The following OOSP1 variants were observed in gnomAD, a reference collection of about 807,000 sequenced individuals.
The protein encoded by OOSP1 is putative oocyte-secreted protein 1 homolog.
In OOSP1, 11 loss-of-function variants were observed where a neutral mutation model predicts 5.7. The ratio of observed to expected loss-of-function variants is 1.94; its 90% CI spans 1.22 to 3.20. OOSP1 has a LOEUF of 3.20. OOSP1 is among the 30% of genes most tolerant of loss of function. The probability of loss-of-function intolerance (pLI) is 0.00; values close to 1 mark genes in which losing one functional copy is unlikely to be tolerated. For missense variants in OOSP1, 83 were observed against 54.1 expected, an observed-to-expected ratio of 1.53 and a Z score of -1.67; for synonymous variants, 44 against 20.0, an observed-to-expected ratio of 2.20 and a Z score of -3.20.
At chr11:59,948,343 A>G (rs1020494997) in intron 4 of OOSP1, among the ~76,000 whole-genome samples, 5 of 152,178 alleles carry the variant, frequency 3.3e-5, no homozygotes, top group African/African-American at 1.2e-4. Context: ...GCCCCATATG[A>G]AGGTATATTA....
At chr11:59,946,918 TCTA>T (rs1853889780) in intron 3 of OOSP1, among the ~76,000 whole-genome samples, 1 of 26,780 alleles carries the variant, frequency 3.7e-5, no homozygotes, top group African/African-American at 1.4e-4. Context: ...ATCTACCATA[TCTA>T]TCTATCTATC....
chr11:59,943,677 G>A (rs1025207325), intron 2 of OOSP1, among the ~76,000 whole-genome samples: 70 of 152,192 alleles, frequency 4.6e-4, no homozygotes, highest in African/African-American at 1.6e-3. Flanking sequence ...GGTCAATTGC[G>A]ACCAGAATGA....
chr11:59,952,388 C>A (rs1389307195), intron 4 of OOSP1, among the ~76,000 whole-genome samples: 1 of 149,172 alleles, frequency 6.7e-6, no homozygotes, highest in Non-Finnish European at 1.5e-5. Context: ...AACCTAAGTG[C>A]CCACTGACAA....
chr11:59,950,275 CCAAGAGG>C (rs1164130955), intron 4 of OOSP1, among the ~76,000 whole-genome samples: 1 of 152,060 alleles, frequency 6.6e-6, no homozygotes, highest in Non-Finnish European at 1.5e-5. Context: ...GCTTAGATCT[CCAAGAGG>C]AGAGAGCAAG....
intron 1 of OOSP1, among the ~76,000 whole-genome samples, chr11:59,939,559 C>A (rs1051846698): frequency 1.3e-5 from 2 of 151,338 alleles, no homozygotes; most frequent in East Asian, 2.0e-4. Flanking sequence ...ATGCTTTTTT[C>A]TGTTTTCTTT....
chr11:59,947,936 C>T, intron 4 of OOSP1, 74 bp downstream of exon 4: 1 of 397,128 alleles, frequency 2.5e-6, no homozygotes, highest in East Asian at 3.6e-5. Context: ...ATACAATTGT[C>T]AAGGAAATGG....
intron 4 of OOSP1, among the ~76,000 whole-genome samples, chr11:59,950,947 T>C (rs977385234): frequency 6.6e-6 from 1 of 152,050 alleles, no homozygotes; most frequent in African/African-American, 2.4e-5. Flanking sequence ...GATCCAGATG[T>C]TTAAGAAATG....
chr11:59,947,780 A>G (rs537741678), exon 4 of OOSP1: 1 of 398,782 alleles, frequency 2.5e-6, no homozygotes, highest in Non-Finnish European at 4.4e-6. Flanking sequence ...GGGGAAACTG[A>G]CAATGTTAAT....
intron 1 of OOSP1, among the ~76,000 whole-genome samples, chr11:59,941,858 C>T (rs1009554376): frequency 5.3e-5 from 8 of 152,158 alleles, no homozygotes; most frequent in African/African-American, 7.2e-5. Flanking sequence ...CCCAGTTTCT[C>T]GGCATCCTCA....
At chr11:59,946,004 T>A (rs890253008) in intron 3 of OOSP1, among the ~76,000 whole-genome samples, 1 of 151,888 alleles carries the variant, frequency 6.6e-6, no homozygotes. Flanking sequence ...TCCCGAGAAC[T>A]GTATCATGAG....
At chr11:59,949,202 T>A (rs1282881665) in intron 4 of OOSP1, among the ~76,000 whole-genome samples, 1 of 152,168 alleles carries the variant, frequency 6.6e-6, no homozygotes, top group Middle Eastern at 3.2e-3. Context: ...ATTCATTTAT[T>A]CCACAAAGAA....
chr11:59,957,315 C>T (rs963392633), exon 5 of OOSP1: 3 of 397,230 alleles, frequency 7.6e-6, no homozygotes, highest in Non-Finnish European at 1.3e-5. Context: ...TTCATCACAC[C>T]CTGCAATTTC....
chr11:59,938,794 T>C (rs1314896177), intron 1 of OOSP1, among the ~76,000 whole-genome samples: 2 of 152,200 alleles, frequency 1.3e-5, no homozygotes, highest in Admixed American at 1.3e-4. Context: ...ATATCAATTC[T>C]TGGGGATCAA....
intron 4 of OOSP1, among the ~76,000 whole-genome samples, chr11:59,955,621 A>ATT (rs111996738): frequency 4.1e-5 from 6 of 146,200 alleles, no homozygotes; most frequent in African/African-American, 1.5e-4. Flanking sequence ...TAGATCATCT[A>ATT]TTTTTTTTTT....
intron 4 of OOSP1, 107 bp downstream of exon 4, chr11:59,947,969 T>C (rs1853903241): frequency 5.1e-6 from 2 of 395,876 alleles, no homozygotes; most frequent in Non-Finnish European, 4.5e-6. Context: ...TTAAGGTGCA[T>C]TGTGCCTAAA....
In OOSP1 at chr11:59,938,531, G is replaced by A. The variant is rs1158313911; in HGVS notation, c.76+1G>A. 9.1e-6 allele frequency: 5 copies of A among 551,800 alleles called. No homozygotes were observed. The highest frequency in any genetic ancestry group is 3.0e-5 in the Admixed American group (1 of 32,902). 34.2% of individuals were successfully genotyped at this position (551,800 alleles called of 1,614,324 possible). ...TGGACCTGCGCTGGGGACTGGTCAG[G>A]TATAACTTATCACTTGGGGAATAGA... On this transcript the variant is annotated splice_donor_variant, in intron 1 of 4. Transcript: ENST00000646685. LOFTEE classifies it high-confidence loss of function.
chr11:59,938,548 G>C lies in OOSP1; in HGVS notation c.76+18G>C. On this transcript the variant is annotated intron_variant, in intron 1 of 4. Coordinates refer to ENST00000646685, the Ensembl canonical transcript of OOSP1. ...CTGGTCAGGTATAACTTATCACTTG[G>C]GGAATAGAAGTTTCTTAAAGAGAGC... The C allele has an allele frequency of 2.0e-6, 1 of 498,766 alleles. No homozygotes were observed. The highest frequency in any genetic ancestry group is 3.3e-5 in the South Asian group (1 of 30,206). 30.9% of individuals were successfully genotyped at this position (498,766 alleles called of 1,614,324 possible).
At chr11:59,948,318 G>GT (rs747698670) in intron 4 of OOSP1, among the ~76,000 whole-genome samples, 1 of 152,110 alleles carries the variant, frequency 6.6e-6, no homozygotes, top group African/African-American at 2.4e-5. Context: ...AGGTAGTACA[G>GT]TTTTTCATTC....
Position 59,943,040 on chromosome 11 carries a change from C to A in OOSP1, c.258+12C>A. On this transcript the variant is annotated intron_variant, in intron 2 of 4. Transcript: ENST00000646685. ...GTATTGTAACTCAAGTAAGAAATGGCTATCTTACTTAAAACCCAAGTGTCC... is the reference window on the plus strand; with the variant it reads ...GTATTGTAACTCAAGTAAGAAATGGATATCTTACTTAAAACCCAAGTGTCC... 1 of 702,336 alleles carries A rather than the reference C, an allele frequency of 1.4e-6. No individual in the cohort carries two copies. The highest frequency in any genetic ancestry group is 2.7e-5 in the East Asian group (1 of 37,256). The allele number at this position is 702,336 out of a possible 1,614,324, so 43.5% of individuals were successfully genotyped here. A position where few individuals can be genotyped will look rare whatever the true frequency, so the allele number is the denominator to read the frequency against.
Sources: allele counts gnomAD v4.1 joint callset (sites outside exome capture counted in the v4.1 genomes callset), GRCh38; gene constraint gnomAD v4.1.1; transcripts MANE v1.5; gene names NCBI Gene and HGNC (gene_info 2026-07-23, HGNC 2026-07-21).